EPHA6: variants seen among roughly 807,000 people sequenced by gnomAD.
The protein encoded by EPHA6 is ephrin type-A receptor 6.
EPHA6 carries 50 observed loss-of-function variants against 112.0 expected under a neutral mutation model. The ratio of observed to expected loss-of-function variants is 0.45; its 90% CI spans 0.36 to 0.56. The LOEUF (loss-of-function observed/expected upper bound fraction) is 0.56. Ranked by LOEUF, EPHA6 falls within the 20% of genes least tolerant of loss-of-function variation. The probability of loss-of-function intolerance (pLI) is 0.00; values close to 1 mark genes in which losing one functional copy is unlikely to be tolerated. For missense variants in EPHA6, 1,280 were observed against 1,417.4 expected, an observed-to-expected ratio of 0.90 and a Z score of 1.56; for synonymous variants, 529 against 490.7, an observed-to-expected ratio of 1.08 and a Z score of -1.03.
At chr3:96,911,689 A>G (rs999051517) in intron 2 of EPHA6, among the ~76,000 whole-genome samples, 1 of 152,090 alleles carries the variant, frequency 6.6e-6, no homozygotes, top group Non-Finnish European at 1.5e-5. Flanking sequence ...TATTTTTAAT[A>G]CAATGGAATA....
chr3:97,650,087 T>A (rs766376578), intron 14 of EPHA6, among the ~76,000 whole-genome samples: 3 of 152,152 alleles, frequency 2.0e-5, no homozygotes, highest in Non-Finnish European at 4.4e-5. Context: ...TGAGCCCATT[T>A]GTCAGAAAGC....
chr3:96,828,718 C>A (rs992964011), intron 1 of EPHA6, among the ~76,000 whole-genome samples: 2 of 152,122 alleles, frequency 1.3e-5, no homozygotes, highest in Admixed American at 1.3e-4. Flanking sequence ...GGATGATCAA[C>A]ACTGTTCCAT....
chr3:96,827,839 G>T (rs2107256304), intron 1 of EPHA6, among the ~76,000 whole-genome samples: 1 of 152,206 alleles, frequency 6.6e-6, no homozygotes, highest in Non-Finnish European at 1.5e-5. Flanking sequence ...TGAATTAAAT[G>T]GATAGACTTG....
In EPHA6 at chr3:97,524,730, G is replaced by A. The variant is rs553806306; in HGVS notation, c.2201-7628G>A. Among the ~76,000 whole-genome samples, 15 of 152,144 alleles carry A rather than the reference G, an allele frequency of 9.9e-5. 1 individual carries two copies. The South Asian group carries it at 2.3e-3, about 23-fold the overall frequency. On this transcript the variant is annotated intron_variant, in intron 10 of 17. Transcript: ENST00000389672. ...CTTGATCTCATTTTTCATTTCTGAA[G>A]GACTGTGTTGCTGGGTGTAGTATGT...
intron 2 of EPHA6, among the ~76,000 whole-genome samples, chr3:96,870,335 G>A (rs1358602204): frequency 6.6e-6 from 1 of 152,008 alleles, no homozygotes; most frequent in African/African-American, 2.4e-5. Flanking sequence ...AGAACGAGGA[G>A]CTCTGATTTC....
intron 2 of EPHA6, among the ~76,000 whole-genome samples, chr3:96,951,204 T>C (rs76755108): frequency 0.025 from 3,771 of 152,220 alleles, 157 homozygotes; most frequent in African/African-American, 0.084. Context: ...CCATAGTCTA[T>C]ACTTTTTTAT....
At chr3:96,975,642 A>C (rs1262406482) in intron 2 of EPHA6, among the ~76,000 whole-genome samples, 1 of 152,204 alleles carries the variant, frequency 6.6e-6, no homozygotes, top group Non-Finnish European at 1.5e-5. Context: ...ACATGAAAGA[A>C]AGAATTCCTT....
At chr3:97,715,010 T>C (rs1248220842) in intron 14 of EPHA6, among the ~76,000 whole-genome samples, 1 of 152,350 alleles carries the variant, frequency 6.6e-6, no homozygotes, top group Admixed American at 6.5e-5. Context: ...TATATATTAT[T>C]CATGCTGTTG....
chr3:97,432,850 G>C (rs1330318951), intron 6 of EPHA6, among the ~76,000 whole-genome samples: 1 of 152,096 alleles, frequency 6.6e-6, no homozygotes, highest in Non-Finnish European at 1.5e-5. Flanking sequence ...ACAGCATGTG[G>C]GAAACCACCC....
chr3:96,855,591 G>C (rs576693079), intron 1 of EPHA6, among the ~76,000 whole-genome samples: 2 of 151,976 alleles, frequency 1.3e-5, no homozygotes, highest in South Asian at 4.1e-4. Context: ...CTGAAGCATA[G>C]AGGGAAATTT....
chr3:97,299,117 A>G (rs887574816), intron 5 of EPHA6, among the ~76,000 whole-genome samples: 1 of 151,938 alleles, frequency 6.6e-6, no homozygotes, highest in Non-Finnish European at 1.5e-5. Context: ...GATATAGTCT[A>G]CCAAACTTCA....
Position 97,752,415 on chromosome 3 carries a change from G to A in EPHA6, c.*3714G>A, listed in dbSNP as rs573346557. 1 of 223,956 alleles carries A rather than the reference G, an allele frequency of 4.5e-6. No individual in the cohort carries two copies. The highest frequency in any genetic ancestry group is 2.2e-5 in the African/African-American group (1 of 44,870). 13.9% of individuals were successfully genotyped at this position (223,956 alleles called of 1,614,324 possible). ...TCTCTCATTTCATAATTTTCACTGT[G>A]CTAGTTCTTTCTTTTCTCCTCTTTT... On this transcript the variant is annotated 3_prime_UTR_variant, in exon 18 of 18. Coordinates refer to ENST00000389672, the MANE Select transcript of EPHA6 (RefSeq NM_001080448.3).
intron 2 of EPHA6, among the ~76,000 whole-genome samples, chr3:96,913,225 G>A (rs1357086559): frequency 2.0e-5 from 3 of 147,844 alleles, no homozygotes; most frequent in Non-Finnish European, 3.0e-5. Context: ...ACACACACGG[G>A]CATGGTGACA....
intron 3 of EPHA6, among the ~76,000 whole-genome samples, chr3:97,141,098 A>C (rs931334857): frequency 2.0e-5 from 3 of 152,186 alleles, no homozygotes; most frequent in African/African-American, 7.2e-5. Flanking sequence ...AATGATGGTT[A>C]TTAAATAATG....
At chr3:96,948,259 C>G (rs1207153911) in intron 2 of EPHA6, among the ~76,000 whole-genome samples, 1 of 151,934 alleles carries the variant, frequency 6.6e-6, no homozygotes, top group Non-Finnish European at 1.5e-5. Context: ...ACTTTATTTG[C>G]TTCTGTATGT....
chr3:97,751,745 C>T lies in EPHA6; in HGVS notation c.*3044C>T, dbSNP rs149065610. On this transcript the variant is annotated 3_prime_UTR_variant, in exon 18 of 18. Transcript: ENST00000389672. ...GAAAATAAGTAACTTCCATAAATCA[C>T]AAGTCTTCAGGAATAATCTTTGATA... 2.0e-5 allele frequency among the ~76,000 whole-genome samples: 3 copies of T among 152,180 alleles called. No homozygotes were observed. The highest frequency in any genetic ancestry group is 7.2e-5 in the African/African-American group (3 of 41,556).
intron 1 of EPHA6, among the ~76,000 whole-genome samples, chr3:96,864,948 G>T (rs1174393253): frequency 6.6e-6 from 1 of 152,020 alleles, no homozygotes; most frequent in Non-Finnish European, 1.5e-5. Context: ...TTATACAGGT[G>T]AAATGATAAG....
intron 11 of EPHA6, among the ~76,000 whole-genome samples, chr3:97,546,798 A>G (rs1233446394): frequency 6.6e-6 from 1 of 151,714 alleles, no homozygotes; most frequent in Non-Finnish European, 1.5e-5. Context: ...TTCTCTTCTC[A>G]CTTTATTTTG....
intron 16 of EPHA6, among the ~76,000 whole-genome samples, chr3:97,736,728 A>G (rs1026510610): frequency 3.3e-5 from 5 of 151,962 alleles, no homozygotes; most frequent in Admixed American, 1.3e-4. Flanking sequence ...AAAAGTCAGT[A>G]GACTTGAGAA....
Sources: allele counts gnomAD v4.1 joint callset (sites outside exome capture counted in the v4.1 genomes callset), GRCh38; gene constraint gnomAD v4.1.1; transcripts MANE v1.5; gene names NCBI Gene and HGNC (gene_info 2026-07-23, HGNC 2026-07-21).